Variants in CNTN5 observed in about 807,000 individuals in gnomAD.
CNTN5 encodes contactin-5.
Under a neutral mutation model 129.1 loss-of-function variants are expected in CNTN5, and 77 were observed. The ratio of observed to expected loss-of-function variants is 0.60; its 90% CI spans 0.50 to 0.72. The LOEUF is 0.72. Ranked by LOEUF, CNTN5 falls within the 30% of genes least tolerant of loss-of-function variation. The pLI is 0.00. For synonymous variants in CNTN5, 509 were observed against 465.6 expected (o/e 1.09, Z -1.20); for missense variants, 1,478 against 1,328.8 (o/e 1.11, Z -1.75).
chr11:99,418,788 C>T (rs1942769088), intron 2 of CNTN5, among the ~76,000 whole-genome samples: 1 of 152,116 alleles, frequency 6.6e-6, no homozygotes, highest in Non-Finnish European at 1.5e-5. Flanking sequence ...TCTGTCGAAT[C>T]ATGTCGTGAT....
At chr11:99,388,067 A>G (rs1050746850) in intron 2 of CNTN5, among the ~76,000 whole-genome samples, 2 of 152,152 alleles carry the variant, frequency 1.3e-5, no homozygotes, top group African/African-American at 4.8e-5. Flanking sequence ...TAAATATTAT[A>G]GCACTCTGCA....
chr11:99,864,853 G>A (rs1054827805), intron 6 of CNTN5, among the ~76,000 whole-genome samples: 1 of 152,142 alleles, frequency 6.6e-6, no homozygotes, highest in African/African-American at 2.4e-5. Flanking sequence ...TTCTCTTGAA[G>A]CAGTTTTCAT....
intron 3 of CNTN5, among the ~76,000 whole-genome samples, chr11:99,587,360 C>G (rs1398183529): frequency 6.6e-6 from 1 of 152,152 alleles, no homozygotes; most frequent in African/African-American, 2.4e-5. Context: ...CAAAACAATG[C>G]ACAAGGTAAA....
chr11:100,216,596 A>C (rs1949143516), intron 15 of CNTN5, among the ~76,000 whole-genome samples: 1 of 151,940 alleles, frequency 6.6e-6, no homozygotes, highest in African/African-American at 2.4e-5. Flanking sequence ...GTCACAATAA[A>C]AGTAAATGAT....
chr11:99,321,396 A>G (rs979596156), intron 1 of CNTN5, among the ~76,000 whole-genome samples: 8 of 150,944 alleles, frequency 5.3e-5, no homozygotes, highest in Admixed American at 2.0e-4. Flanking sequence ...ACTTAAATGT[A>G]TTCAATACTG....
At chr11:99,417,253 T>A (rs1942699264) in intron 2 of CNTN5, among the ~76,000 whole-genome samples, 1 of 152,180 alleles carries the variant, frequency 6.6e-6, no homozygotes, top group Non-Finnish European at 1.5e-5. Context: ...AATATTAGTG[T>A]GATAATATGT....
chr11:99,710,327 A>G (rs1292653837), intron 3 of CNTN5, among the ~76,000 whole-genome samples: 3 of 151,860 alleles, frequency 2.0e-5, no homozygotes, highest in African/African-American at 7.3e-5. Flanking sequence ...ACTCCAGGAT[A>G]TAAGTGAATT....
At chr11:99,778,452 A>G (rs117798692) in intron 3 of CNTN5, among the ~76,000 whole-genome samples, 3 of 151,874 alleles carry the variant, frequency 2.0e-5, no homozygotes, top group Non-Finnish European at 4.4e-5. Context: ...TGCTTTTTAA[A>G]AATTAATGTA....
At chr11:99,705,406 A>G (rs896612622) in intron 3 of CNTN5, among the ~76,000 whole-genome samples, 1 of 151,348 alleles carries the variant, frequency 6.6e-6, no homozygotes. Flanking sequence ...CTTTTCCTAC[A>G]GAAAAGACTC....
At chr11:99,407,528 G>A (rs929853197) in intron 2 of CNTN5, among the ~76,000 whole-genome samples, 5 of 152,238 alleles carry the variant, frequency 3.3e-5, no homozygotes, top group African/African-American at 1.2e-4. Flanking sequence ...GTTAGGAGAG[G>A]GGTGAGACAA....
intron 9 of CNTN5, among the ~76,000 whole-genome samples, chr11:100,024,303 G>T (rs537930716): frequency 1.3e-5 from 2 of 152,202 alleles, no homozygotes. Context: ...CCCCATGATT[G>T]TAAGTTTCCT....
At chr11:99,477,748 A>C (rs555861737) in intron 2 of CNTN5, among the ~76,000 whole-genome samples, 1 of 151,840 alleles carries the variant, frequency 6.6e-6, no homozygotes. Flanking sequence ...CCAGGAATTC[A>C]AGACCAACCT....
At chr11:99,509,611 G>T (rs1335109549) in intron 2 of CNTN5, among the ~76,000 whole-genome samples, 1 of 152,032 alleles carries the variant, frequency 6.6e-6, no homozygotes, top group Admixed American at 6.6e-5. Context: ...TTGAATTTTT[G>T]AAGTCTCATA....
At chr11:100,267,639 G>A (rs1299695028) in intron 17 of CNTN5, among the ~76,000 whole-genome samples, 1 of 152,138 alleles carries the variant, frequency 6.6e-6, no homozygotes, top group East Asian at 1.9e-4. Flanking sequence ...ATATGCAAGA[G>A]CATTAGAGGA....
chr11:99,612,432 A>T (rs1950618640), intron 3 of CNTN5, among the ~76,000 whole-genome samples: 1 of 152,142 alleles, frequency 6.6e-6, no homozygotes, highest in Admixed American at 6.6e-5. Context: ...TAAAAAGTTA[A>T]TTTTTTATAA....
At chr11:99,474,728 G>T (rs879798244) in intron 2 of CNTN5, among the ~76,000 whole-genome samples, 1 of 151,824 alleles carries the variant, frequency 6.6e-6, no homozygotes, top group Non-Finnish European at 1.5e-5. Context: ...TTTTTTGAGC[G>T]TTTTCAAATA....
intron 1 of CNTN5, among the ~76,000 whole-genome samples, chr11:99,237,762 T>C (rs898829324): frequency 2.6e-5 from 4 of 152,124 alleles, no homozygotes; most frequent in Admixed American, 6.6e-5. Flanking sequence ...AAAACAAAAC[T>C]ATAGAGATAA....
chr11:99,169,090 G>A (rs1330674950), intron 1 of CNTN5, among the ~76,000 whole-genome samples: 2 of 152,144 alleles, frequency 1.3e-5, no homozygotes, highest in Non-Finnish European at 2.9e-5. Context: ...TAATTAAGGA[G>A]TGAAATAAAG....
At chr11:99,038,248 T>C (rs1308976201) in intron 1 of CNTN5, among the ~76,000 whole-genome samples, 1 of 152,166 alleles carries the variant, frequency 6.6e-6, no homozygotes, top group East Asian at 1.9e-4. Flanking sequence ...AAAACTTGTA[T>C]ATTCTTAAAG....
Sources: gnomAD v4.1 joint callset for allele counts (sites outside exome capture counted in the v4.1 genomes callset) on GRCh38, gnomAD v4.1.1 for gene constraint, MANE v1.5 for transcripts, NCBI Gene and HGNC (gene_info 2026-07-23, HGNC 2026-07-21) for gene names.